Variants in IMMP2L observed in about 807,000 individuals in gnomAD.
The protein encoded by IMMP2L is mitochondrial inner membrane protease subunit 2.
In IMMP2L, 18 loss-of-function variants were observed where a neutral mutation model predicts 19.3. The ratio of observed to expected loss-of-function variants is 0.93; its 90% CI spans 0.64 to 1.38. The LOEUF is 1.38. Among genes scored for constraint, IMMP2L ranks in the 40% most tolerant of loss-of-function variants. The pLI, the probability that IMMP2L is intolerant of heterozygous loss-of-function variation, is 0.00. For missense variants in IMMP2L, 233 were observed against 218.2 expected, an observed-to-expected ratio of 1.07 and a Z score of -0.43; for synonymous variants, 76 against 73.0, an observed-to-expected ratio of 1.04 and a Z score of -0.21.
At chr7:110,773,554 C>A (rs1299705719) in intron 5 of IMMP2L, among the ~76,000 whole-genome samples, 1 of 152,162 alleles carries the variant, frequency 6.6e-6, no homozygotes, top group African/African-American at 2.4e-5. Context: ...CGTCTGGCAA[C>A]ATATGAGTAT....
chr7:111,137,122 A>G (rs919949325), intron 3 of IMMP2L, among the ~76,000 whole-genome samples: 1 of 152,150 alleles, frequency 6.6e-6, no homozygotes, highest in African/African-American at 2.4e-5. Flanking sequence ...GAAATGCTGC[A>G]AAAATATGGT....
At chr7:110,844,930 C>G (rs1325461501) in intron 5 of IMMP2L, among the ~76,000 whole-genome samples, 4 of 151,976 alleles carry the variant, frequency 2.6e-5, no homozygotes, top group African/African-American at 4.8e-5. Flanking sequence ...AAAGGGGAGG[C>G]CCAGAAAAAG....
intron 3 of IMMP2L, among the ~76,000 whole-genome samples, chr7:111,412,827 A>T (rs1413445285): frequency 4.7e-5 from 7 of 150,510 alleles, no homozygotes; most frequent in Admixed American, 2.0e-4. Flanking sequence ...TTTAGAAGAA[A>T]TTTTTTTTTT....
chr7:110,965,748 A>C (rs1197178507), intron 3 of IMMP2L, among the ~76,000 whole-genome samples: 1 of 151,986 alleles, frequency 6.6e-6, no homozygotes, highest in Non-Finnish European at 1.5e-5. Context: ...TGCATATCAA[A>C]ATAATGGATA....
At chr7:110,821,469 T>C (rs1362358504) in intron 5 of IMMP2L, among the ~76,000 whole-genome samples, 1 of 152,056 alleles carries the variant, frequency 6.6e-6, no homozygotes, top group Non-Finnish European at 1.5e-5. Context: ...ATTTCACAGA[T>C]ATAAAAAAAA....
intron 5 of IMMP2L, among the ~76,000 whole-genome samples, chr7:110,832,291 C>G (rs1356314825): frequency 1.3e-5 from 2 of 151,846 alleles, no homozygotes; most frequent in African/African-American, 4.8e-5. Flanking sequence ...ACAAAAAAAC[C>G]CTACTCTGTC....
chr7:111,038,658 T>G (rs982177395), intron 3 of IMMP2L, among the ~76,000 whole-genome samples: 1 of 152,098 alleles, frequency 6.6e-6, no homozygotes, highest in African/African-American at 2.4e-5. Flanking sequence ...TCAGTGGAAA[T>G]ATAATGAATA....
At chr7:111,224,960 T>C (rs1812919725) in intron 3 of IMMP2L, among the ~76,000 whole-genome samples, 1 of 152,144 alleles carries the variant, frequency 6.6e-6, no homozygotes, top group Admixed American at 6.6e-5. Context: ...TATTATTCTG[T>C]GTGGTGAAAT....
intron 4 of IMMP2L, among the ~76,000 whole-genome samples, chr7:110,940,532 T>C (rs994066199): frequency 6.6e-6 from 1 of 152,128 alleles, no homozygotes; most frequent in Non-Finnish European, 1.5e-5. Context: ...CCAATAAGCA[T>C]TGGCACATCA....
intron 4 of IMMP2L, among the ~76,000 whole-genome samples, chr7:110,939,651 T>C (rs1816518512): frequency 6.6e-6 from 1 of 152,128 alleles, no homozygotes; most frequent in East Asian, 1.9e-4. Flanking sequence ...AGATAACAAA[T>C]ATATGTCCTT....
intron 5 of IMMP2L, among the ~76,000 whole-genome samples, chr7:110,716,826 A>T (rs923858535): frequency 6.6e-6 from 1 of 152,196 alleles, no homozygotes; most frequent in Non-Finnish European, 1.5e-5. Flanking sequence ...GGTTTTGACT[A>T]ATTAAATATG....
At chr7:111,445,412 A>G (rs1838238261) in intron 3 of IMMP2L, among the ~76,000 whole-genome samples, 1 of 149,774 alleles carries the variant, frequency 6.7e-6, no homozygotes, top group African/African-American at 2.5e-5. Context: ...ATAGACACAA[A>G]CATACATACA....
At chr7:111,096,515 A>AC (rs1241947910) in intron 3 of IMMP2L, among the ~76,000 whole-genome samples, 2 of 151,226 alleles carry the variant, frequency 1.3e-5, no homozygotes, top group Non-Finnish European at 1.5e-5. Context: ...ATTTAAAAAA[A>AC]AAAAAACAAA....
chr7:110,818,152 A>G (rs1802702736), intron 5 of IMMP2L, among the ~76,000 whole-genome samples: 1 of 152,172 alleles, frequency 6.6e-6, no homozygotes. Context: ...ACAGCAAAAG[A>G]AACTACCATC....
chr7:111,232,883 A>T (rs1813868543), intron 3 of IMMP2L, among the ~76,000 whole-genome samples: 1 of 152,112 alleles, frequency 6.6e-6, no homozygotes. Context: ...CTGTGTCTGC[A>T]ATCCCCTTCT....
chr7:111,519,276 C>T (rs1375130310), intron 2 of IMMP2L, among the ~76,000 whole-genome samples: 2 of 152,128 alleles, frequency 1.3e-5, no homozygotes, highest in African/African-American at 4.8e-5. Flanking sequence ...CGGAGCACTC[C>T]AGCGGCATCC....
At chr7:110,939,497 G>A (rs1247109452) in intron 4 of IMMP2L, among the ~76,000 whole-genome samples, 1 of 151,604 alleles carries the variant, frequency 6.6e-6, no homozygotes, top group East Asian at 1.9e-4. Flanking sequence ...TCTGTTCTAC[G>A]GCCCCAACTA....
intron 5 of IMMP2L, among the ~76,000 whole-genome samples, chr7:110,794,653 C>T (rs1392845970): frequency 1.3e-5 from 2 of 151,992 alleles, no homozygotes; most frequent in Non-Finnish European, 2.9e-5. Context: ...GATTCTACCA[C>T]AGTATATGAC....
At chr7:110,971,402 C>G (rs984052875) in intron 3 of IMMP2L, among the ~76,000 whole-genome samples, 1 of 152,050 alleles carries the variant, frequency 6.6e-6, no homozygotes, top group East Asian at 1.9e-4. Context: ...GGAGACACTT[C>G]AGTGGTTGCC....
Sources: allele counts gnomAD v4.1 joint callset (sites outside exome capture counted in the v4.1 genomes callset), GRCh38; gene constraint gnomAD v4.1.1; transcripts MANE v1.5; gene names NCBI Gene and HGNC (gene_info 2026-07-23, HGNC 2026-07-21).